ANKRD13C: variants seen among roughly 807,000 people sequenced by gnomAD.
ANKRD13C encodes ankyrin repeat domain 13C.
ANKRD13C carries 16 observed loss-of-function variants against 65.5 expected under a neutral mutation model. The ratio of observed to expected loss-of-function variants is 0.24; its 90% confidence interval spans 0.17 to 0.37. The LOEUF is 0.37. ANKRD13C is among the 10% of genes least tolerant of loss of function. The probability of loss-of-function intolerance (pLI) is 1.00; values close to 1 mark genes in which losing one functional copy is unlikely to be tolerated. For synonymous variants in ANKRD13C, 235 were observed against 238.7 expected, an observed-to-expected ratio of 0.98 and a Z score of 0.14; for missense variants, 503 against 655.9, an observed-to-expected ratio of 0.77 and a Z score of 2.55.
At chr1:70,345,007 G>GC (rs1257466953) in intron 1 of ANKRD13C, among the ~76,000 whole-genome samples, 1 of 151,946 alleles carries the variant, frequency 6.6e-6, no homozygotes, top group Non-Finnish European at 1.5e-5. Context: ...TTAATGTCTG[G>GC]CTTAACAGAA....
rs1468894724 is a variant in ANKRD13C at position 70,270,930 on chromosome 1, G to A, written c.1421C>T (p.Ala474Val). The A allele has an allele frequency of 4.3e-6, 7 of 1,611,570 alleles. No individual in the cohort carries two copies. Among genetic ancestry groups the A allele is most frequent in the Non-Finnish European group, 5.1e-6 (6 of 1,178,234 alleles). ...ELLLNVLEVV[A>V]PFKHFNKLRE... ...AAGCTTGTTAAAGTGCTTGAAGGGAGCTACTACTTCTAAAACATTCAATAA... is the reference window on the plus strand; with the variant it reads ...AAGCTTGTTAAAGTGCTTGAAGGGAACTACTACTTCTAAAACATTCAATAA... Residue 474 changes from alanine (A) to valine (V), a missense_variant, in exon 12 of 13, where the codon GCT becomes GTT. Around this residue, in one of 2 missense-constraint regions of ANKRD13C, gnomAD observed 300 missense variants for 478.3 expected, o/e 0.63. Coordinates refer to ENST00000370944, the MANE Select transcript of ANKRD13C (RefSeq NM_030816.5).
chr1:70,293,638 G>C (rs1679954207), intron 8 of ANKRD13C: 1 of 821,680 alleles, frequency 1.2e-6, no homozygotes, highest in Non-Finnish European at 1.5e-6. Flanking sequence ...GAAGAACAAA[G>C]TACAAACAAA....
intron 5 of ANKRD13C, among the ~76,000 whole-genome samples, chr1:70,311,302 G>A (rs1415476488): frequency 6.6e-6 from 1 of 152,048 alleles, no homozygotes; most frequent in African/African-American, 2.4e-5. Flanking sequence ...AGACCAGCCT[G>A]GCCAACACAG....
intron 4 of ANKRD13C, among the ~76,000 whole-genome samples, chr1:70,314,197 T>A (rs1680974003): frequency 1.3e-5 from 2 of 151,868 alleles, no homozygotes; most frequent in Admixed American, 1.3e-4. Flanking sequence ...CTGAAACATG[T>A]CATCATATAA....
At chr1:70,299,173 A>G (rs1298044623) in intron 7 of ANKRD13C, among the ~76,000 whole-genome samples, 2 of 152,208 alleles carry the variant, frequency 1.3e-5, no homozygotes, top group East Asian at 3.8e-4. Flanking sequence ...AAAGAAAAGC[A>G]TTCCAGGAAG....
intron 8 of ANKRD13C, among the ~76,000 whole-genome samples, chr1:70,293,246 C>A (rs1679936822): frequency 6.6e-6 from 1 of 151,798 alleles, no homozygotes; most frequent in Admixed American, 6.6e-5. Context: ...TTACCTTTTT[C>A]AGACCCACAG....
intron 9 of ANKRD13C, among the ~76,000 whole-genome samples, chr1:70,291,015 T>C (rs1248190872): frequency 6.6e-6 from 1 of 151,994 alleles, no homozygotes; most frequent in Non-Finnish European, 1.5e-5. Context: ...CAAATGGCAG[T>C]AAAACATTAA....
intron 8 of ANKRD13C, among the ~76,000 whole-genome samples, 187 bp downstream of exon 8, chr1:70,295,943 T>C (rs996631757): frequency 2.0e-5 from 3 of 152,232 alleles, no homozygotes; most frequent in African/African-American, 7.2e-5. Context: ...CTTTCTTTCC[T>C]GAATTCTCCA....
intron 2 of ANKRD13C, among the ~76,000 whole-genome samples, chr1:70,325,728 A>T (rs1028658980): frequency 4.6e-5 from 7 of 152,026 alleles, no homozygotes; most frequent in African/African-American, 1.4e-4. Flanking sequence ...AAATAAAAAA[A>T]ATTAGCCAGG....
At chr1:70,310,477 GC>G (rs1680803572) in intron 5 of ANKRD13C, among the ~76,000 whole-genome samples, 5 of 152,104 alleles carry the variant, frequency 3.3e-5, no homozygotes, top group African/African-American at 1.2e-4. Context: ...AAACAGATGT[GC>G]TGACTTTTTG....
In ANKRD13C at chr1:70,272,684, G is replaced by A. The variant is rs143877126; in HGVS notation, c.1395-1728C>T. Among the ~76,000 whole-genome samples the A allele has an allele frequency of 3.7e-4, 56 of 151,588 alleles. No individual in the cohort carries two copies. The East Asian group carries it at 0.011, about 30-fold the overall frequency. The stretch of plus-strand genomic sequence containing the variant: ...CAGTTTTCTTCTTTATTAGCAAGTA[G>A]AATATAAAATTGGTGAATCTTTGGC... On this transcript the variant is annotated intron_variant, in intron 11 of 12. Transcript: ENST00000370944.
chr1:70,353,101 G>A (rs1017759772), intron 1 of ANKRD13C, among the ~76,000 whole-genome samples: 6 of 152,098 alleles, frequency 3.9e-5, no homozygotes, highest in Non-Finnish European at 5.9e-5. Flanking sequence ...AACAATATTT[G>A]CCAACTACCC....
At position 70,326,261 on chromosome 1, in the gene ANKRD13C, AAAAGAC is replaced by A. The variant is rs1274186749; in HGVS notation, c.473-1310_473-1305del. On this transcript the variant is annotated intron_variant, in intron 2 of 12. Coordinates refer to ENST00000370944, the MANE Select transcript of ANKRD13C (RefSeq NM_030816.5). The stretch of plus-strand genomic sequence containing the variant: ...AAAAAAAAAAAAAAAAAAAAAAAAA[AAAAGAC>A]AGCCATCCATCCATTCATTCAATCA... 1.0e-3 allele frequency among the ~76,000 whole-genome samples: 148 copies of A among 144,290 alleles called. 2 individuals are homozygous for A. Among genetic ancestry groups the A allele is most frequent in the Non-Finnish European group, 1.9e-3 (126 of 66,042 alleles). The allele number at this position is 144,290 out of a possible 152,430, so 94.7% of individuals were successfully genotyped here.
In ANKRD13C at chr1:70,333,106, C is replaced by T. The variant is rs556864406; in HGVS notation, c.472+2952G>A. On this transcript the variant is annotated intron_variant, in intron 2 of 12. Transcript: ENST00000370944. ...CATTAAAATAGATTTTAGAGCCAGG[C>T]ACTCCCAAGTTGAAATTAAAACTTG... is the stretch of plus-strand genomic sequence containing the variant. Among the ~76,000 whole-genome samples the T allele has an allele frequency of 9.2e-4, 140 of 152,262 alleles. 3 individuals are homozygous for T. Among genetic ancestry groups the T allele is most frequent in the Non-Finnish European group, 1.8e-3 (120 of 68,016 alleles).
intron 7 of ANKRD13C, among the ~76,000 whole-genome samples, chr1:70,297,295 T>G (rs977733891): frequency 7.4e-4 from 106 of 142,666 alleles, no homozygotes; most frequent in Non-Finnish European, 1.3e-3. Context: ...TGATTTTTTT[T>G]TTTTTTTTTT....
chr1:70,291,271 T>C (rs1322166604), intron 9 of ANKRD13C, among the ~76,000 whole-genome samples: 1 of 152,162 alleles, frequency 6.6e-6, no homozygotes, highest in African/African-American at 2.4e-5. Flanking sequence ...TCCGCCCACC[T>C]TGGCCTCCCA....
chr1:70,315,403 T>C, intron 4 of ANKRD13C, 78 bp downstream of exon 4: 2 of 1,235,314 alleles, frequency 1.6e-6, no homozygotes, highest in Non-Finnish European at 1.1e-6. Flanking sequence ...GAATTTAAGT[T>C]GTATTAAGAA....
intron 12 of ANKRD13C, among the ~76,000 whole-genome samples, chr1:70,270,030 T>C (rs187651801): frequency 9.8e-5 from 15 of 152,352 alleles, no homozygotes; most frequent in African/African-American, 3.6e-4. Flanking sequence ...GTTTCTGATA[T>C]GTTAGAAAGA....
intron 9 of ANKRD13C, among the ~76,000 whole-genome samples, chr1:70,285,932 A>G (rs985809048): frequency 7.9e-5 from 12 of 152,174 alleles, no homozygotes; most frequent in African/African-American, 2.9e-4. Context: ...CTTATTGTGC[A>G]GGCTTAAAAG....
Sources: gnomAD v4.1 joint callset for allele counts (sites outside exome capture counted in the v4.1 genomes callset) on GRCh38, gnomAD v4.1.1 for gene constraint, gnomAD v4.1.1 regional missense constraint, MANE v1.5 for transcripts, NCBI Gene and HGNC (gene_info 2026-07-23, HGNC 2026-07-21) for gene names.